ANO4: variants seen among roughly 807,000 people sequenced by gnomAD.
ANO4 encodes anoctamin-4.
ANO4 carries 69 observed loss-of-function variants against 141.9 expected under a neutral mutation model. The ratio of observed to expected loss-of-function variants is 0.49; its 90% CI spans 0.40 to 0.59. The LOEUF (loss-of-function observed/expected upper bound fraction) is 0.59, where lower values mean the gene tolerates loss of function less well. ANO4 is among the 20% of genes least tolerant of loss of function. ANO4 has a pLI of 0.00. For missense variants in ANO4, 894 were observed against 1,162.2 expected (o/e 0.77, Z 3.36); for synonymous variants, 350 against 394.3 (o/e 0.89, Z 1.33).
Position 101,128,173 on chromosome 12 carries a change from C to CTGTT in ANO4, c.*320_*323dup, listed in dbSNP as rs2051404353. 1 of 152,614 alleles carries CTGTT rather than the reference C, an allele frequency of 6.6e-6. No homozygotes were observed. The highest frequency in any genetic ancestry group is 2.4e-5 in the African/African-American group (1 of 41,444). 9.5% of individuals were successfully genotyped at this position (152,614 alleles called of 1,614,324 possible). On this transcript the variant is annotated 3_prime_UTR_variant, in exon 28 of 28. Transcript: ENST00000392977. ...TTGTATACTGGGCCTGTTTTTCAGC[C>CTGTT]TGTTTGCTACCTTTTTTGCATTCTA...
At chr12:100,805,171 A>G (rs2034928162) in intron 1 of ANO4, among the ~76,000 whole-genome samples, 1 of 152,222 alleles carries the variant, frequency 6.6e-6, no homozygotes, top group South Asian at 2.1e-4. Context: ...GCATATGGCT[A>G]GCCAGTTCTC....
intron 3 of ANO4, among the ~76,000 whole-genome samples, chr12:100,771,168 T>C (rs180697782): frequency 6.6e-6 from 1 of 152,266 alleles, no homozygotes; most frequent in Non-Finnish European, 1.5e-5. Context: ...ACCGACCTGC[T>C]GCAGGCAGGT....
chr12:100,914,311 G>C (rs2041241195), intron 2 of ANO4, among the ~76,000 whole-genome samples: 1 of 152,206 alleles, frequency 6.6e-6, no homozygotes, highest in Non-Finnish European at 1.5e-5. Flanking sequence ...CCTGCTGTTA[G>C]CCAAATGTGG....
Position 100,722,797 on chromosome 12 carries a change from G to T in ANO4, c.22+5250G>T, listed in dbSNP as rs571791757. Among the ~76,000 whole-genome samples, 22 of 152,230 alleles carry T rather than the reference G, an allele frequency of 1.4e-4. No individual in the cohort carries two copies. The South Asian group carries it at 4.6e-3, about 32-fold the overall frequency. On this transcript the variant is annotated intron_variant, in intron 1 of 29. Coordinates refer to the ANO4 transcript ENST00000644049. Reference sequence around the variant, plus strand: ...AGTATAGTAGGGGGCAGTACACCATGTGGAAGTTTTAAAAACTCCTTTTTC... The same window carrying T: ...AGTATAGTAGGGGGCAGTACACCATTTGGAAGTTTTAAAAACTCCTTTTTC...
chr12:100,740,014 C>A, exon 3 of ANO4: 1 of 702,568 alleles, frequency 1.4e-6, no homozygotes, highest in Non-Finnish European at 2.6e-6. Context: ...CTGACCAGGC[C>A]ACACCTTTGT....
At chr12:101,034,067 G>A (rs896419864) in intron 9 of ANO4, among the ~76,000 whole-genome samples, 1 of 152,194 alleles carries the variant, frequency 6.6e-6, no homozygotes, top group Admixed American at 6.6e-5. Flanking sequence ...AGCCATTGTG[G>A]AAGACAGTGT....
chr12:100,742,214 A>G (rs1056522480), intron 3 of ANO4, among the ~76,000 whole-genome samples: 1 of 152,176 alleles, frequency 6.6e-6, no homozygotes, highest in Non-Finnish European at 1.5e-5. Flanking sequence ...ATAGAAAGTT[A>G]TAGATGCTGG....
Position 101,099,683 on chromosome 12 carries a change from G to T in ANO4, c.2112G>T (p.Met704Ile), listed in dbSNP as rs1357371246. 1.9e-6 allele frequency: 3 copies of T among 1,609,756 alleles called. No individual in the cohort carries two copies. Among genetic ancestry groups the T allele is most frequent in the Non-Finnish European group, 1.7e-6 (2 of 1,178,758 alleles). Residue 704 changes from methionine (M) to isoleucine (I), a missense_variant, in exon 22 of 28, where the codon ATG (methionine) becomes ATT (isoleucine). This residue lies in a region of ANO4 where 637 missense variants were observed against 909.2 expected (regional missense o/e 0.70). Transcript: ENST00000392977. The part of the protein sequence containing the change: ...QWEKDYNLQP[M>I]NAYGLFDEYL... ...AAAAGGACTATAACCTTCAGCCGAT[G>T]AATGCCTATGGACTCTTCGATGAAT... is the stretch of plus-strand genomic sequence containing the variant.
intron 5 of ANO4, among the ~76,000 whole-genome samples, chr12:100,958,194 TTGCTGGAAAAAACATGC>T (rs1158246613): frequency 6.6e-6 from 1 of 152,218 alleles, no homozygotes; most frequent in Non-Finnish European, 1.5e-5. Context: ...TGATTTAATG[TTGCTGGAAAAAACATGC>T]TGACTGGTTC....
intron 3 of ANO4, among the ~76,000 whole-genome samples, chr12:100,769,976 T>A (rs1218173073): frequency 6.6e-6 from 1 of 152,246 alleles, no homozygotes; most frequent in Non-Finnish European, 1.5e-5. Flanking sequence ...GGAGTTACCA[T>A]GTATTGATTC....
chr12:101,099,610 TACG>T lies in ANO4; in HGVS notation c.2042_2044del (p.Arg681del), dbSNP rs1388831297. ...CAGAATTGGTGGACTAGAAGAAAAGTACGACAAGAACATGGACCTGAAAGGAAA... is the reference window on the plus strand; with the variant it reads ...CAGAATTGGTGGACTAGAAGAAAAGTACAAGAACATGGACCTGAAAGGAAA... On this transcript the variant is annotated inframe_deletion, in exon 22 of 28. Transcript: ENST00000392977. The T allele has an allele frequency of 1.2e-5, 20 of 1,603,816 alleles. No individual in the cohort carries two copies. The highest frequency in any genetic ancestry group is 1.6e-5 in the Non-Finnish European group (19 of 1,177,568).
chr12:101,079,105 G>T, intron 14 of ANO4, 88 bp from the exon 15 acceptor site: 1 of 1,112,942 alleles, frequency 9.0e-7, no homozygotes, highest in Non-Finnish European at 1.4e-6. Context: ...TGTCATTCTT[G>T]GCAATGGCTT....
At chr12:100,834,948 C>A (rs2036826647) in intron 1 of ANO4, among the ~76,000 whole-genome samples, 1 of 152,018 alleles carries the variant, frequency 6.6e-6, no homozygotes, top group Non-Finnish European at 1.5e-5. Flanking sequence ...GTCATTGCAG[C>A]TGGAGTGGAA....
intron 3 of ANO4, among the ~76,000 whole-genome samples, chr12:100,746,930 C>T (rs2032139267): frequency 1.3e-5 from 2 of 151,492 alleles, no homozygotes; most frequent in Admixed American, 1.3e-4. Context: ...TCTCATGCTG[C>T]ACCTAGGCCT....
chr12:100,752,150 C>T (rs1027622443), intron 3 of ANO4, among the ~76,000 whole-genome samples: 1 of 152,102 alleles, frequency 6.6e-6, no homozygotes, highest in Admixed American at 6.5e-5. Context: ...TATTCTAGCC[C>T]ATGGATTCCT....
chr12:101,116,959 C>A (rs112271860), intron 25 of ANO4, among the ~76,000 whole-genome samples, 161 bp downstream of exon 25: 1 of 152,270 alleles, frequency 6.6e-6, no homozygotes, highest in African/African-American at 2.4e-5. Context: ...CCTTCTCTTG[C>A]CCGGGATACA....
chr12:101,061,552 C>T (rs550236737), intron 14 of ANO4, among the ~76,000 whole-genome samples: 6 of 152,068 alleles, frequency 3.9e-5, no homozygotes, highest in African/African-American at 1.4e-4. Flanking sequence ...TCACATAGTC[C>T]CATATTTCTT....
chr12:100,961,863 G>T (rs1376661900), intron 5 of ANO4, among the ~76,000 whole-genome samples: 1 of 152,052 alleles, frequency 6.6e-6, no homozygotes, highest in African/African-American at 2.4e-5. Context: ...GATATTTGGG[G>T]GTTATTAGTT....
chr12:100,952,056 T>C (rs1260752280), intron 5 of ANO4, among the ~76,000 whole-genome samples: 6 of 152,168 alleles, frequency 3.9e-5, no homozygotes, highest in Non-Finnish European at 8.8e-5. Flanking sequence ...TCCAATATTA[T>C]ATGGTTTGTT....
Sources: allele counts gnomAD v4.1 joint callset (sites outside exome capture counted in the v4.1 genomes callset), GRCh38; gene constraint gnomAD v4.1.1; regional missense constraint gnomAD v4.1.1; transcripts MANE v1.5; gene names NCBI Gene and HGNC (gene_info 2026-07-23, HGNC 2026-07-21).